The following TSPAN9 variants were observed in gnomAD, a reference collection of about 807,000 sequenced individuals.
TSPAN9 encodes tetraspanin-9.
TSPAN9 carries 16 observed loss-of-function variants against 31.0 expected under a neutral mutation model. The observed-to-expected ratio is 0.52, with a 90% CI of 0.35 to 0.78. TSPAN9 has a LOEUF of 0.78. Ranked by LOEUF, TSPAN9 falls within the 30% of genes least tolerant of loss-of-function variation. The pLI is 0.01. For missense variants in TSPAN9, 272 were observed against 312.5 expected (o/e 0.87, Z 0.98); for synonymous variants, 145 against 121.6 (o/e 1.19, Z -1.27).
rs192632885 is a variant in TSPAN9, at chr12:3,205,371, G to A, written c.63+4115G>A. Among the ~76,000 whole-genome samples the A allele has an allele frequency of 3.9e-3, 601 of 152,310 alleles. 4 individuals are homozygous for A. Among genetic ancestry groups the A allele is most frequent in the South Asian group, 0.011 (51 of 4,826 alleles). The stretch of plus-strand genomic sequence containing the variant: ...GGGTGGCCCCGGGCAGAGTGCTGAT[G>A]GGGCCCTGATTAAACTCCCTTAAGT... On this transcript the variant is annotated intron_variant, in intron 3 of 8. Transcript: ENST00000011898.
chr12:3,201,636 G>A (rs896345091), intron 3 of TSPAN9, among the ~76,000 whole-genome samples: 1 of 152,242 alleles, frequency 6.6e-6, no homozygotes, highest in East Asian at 1.9e-4. Flanking sequence ...GTTGGAGATA[G>A]GCACAAGTGA....
intron 2 of TSPAN9, chr12:3,200,919 G>A (rs2098371189): frequency 5.0e-6 from 2 of 398,252 alleles, no homozygotes; most frequent in Non-Finnish European, 8.9e-6. Flanking sequence ...AACGCCGCGA[G>A]CATGGAGAAG....
chr12:3,164,944 C>T (rs959890371), intron 2 of TSPAN9, among the ~76,000 whole-genome samples: 2 of 152,286 alleles, frequency 1.3e-5, no homozygotes, highest in African/African-American at 2.4e-5. Context: ...GAGCCTTGAA[C>T]GTGCGGGCTT....
intron 2 of TSPAN9, among the ~76,000 whole-genome samples, chr12:3,140,752 A>G (rs867361735): frequency 5.9e-5 from 9 of 152,174 alleles, no homozygotes; most frequent in Middle Eastern, 6.8e-3. Flanking sequence ...GTGGGGGCCC[A>G]CAGGGAAGGC....
chr12:3,212,691 A>G (rs1441819487), intron 3 of TSPAN9, among the ~76,000 whole-genome samples: 2 of 152,148 alleles, frequency 1.3e-5, no homozygotes, highest in South Asian at 4.2e-4. Flanking sequence ...AGGATGGAGG[A>G]GCCCGCTAGC....
At chr12:3,082,508 A>T (rs908707638) in intron 1 of TSPAN9, among the ~76,000 whole-genome samples, 5 of 152,322 alleles carry the variant, frequency 3.3e-5, no homozygotes, top group Admixed American at 1.3e-4. Context: ...GATAGCCATC[A>T]ACCTTGGGAG....
At chr12:3,079,771 A>AT (rs34675914) in intron 1 of TSPAN9, among the ~76,000 whole-genome samples, 84,714 of 129,680 alleles carry the variant, frequency 0.65, 27,803 homozygotes, top group African/African-American at 0.77. Context: ...CCCTTCTTCT[A>AT]TTTTTTTTTT....
chr12:3,280,029 G>A lies in TSPAN9; in HGVS notation c.331-353G>A, dbSNP rs1324285386. Among the ~76,000 whole-genome samples the A allele has an allele frequency of 6.6e-6, 1 of 151,946 alleles. No individual in the cohort carries two copies. Among genetic ancestry groups the A allele is most frequent in the African/African-American group, 2.4e-5 (1 of 41,356 alleles). On this transcript the variant is annotated intron_variant, in intron 5 of 8. Transcript: ENST00000011898. This position sits in a 1 kb window ranked among gnomAD's most constrained non-coding sequence, Gnocchi z 4.5. ...GGAAGCTGTGTAGTGGGGGGCGGGG[G>A]TGGCAGAGTGGCCTGTGTGTGTGGC...
At chr12:3,198,972 A>G (rs556988108) in intron 2 of TSPAN9, among the ~76,000 whole-genome samples, 2 of 152,324 alleles carry the variant, frequency 1.3e-5, no homozygotes, top group South Asian at 2.1e-4. Context: ...CACCATGGCC[A>G]TGCCTGTTGT....
intron 3 of TSPAN9, among the ~76,000 whole-genome samples, chr12:3,221,126 T>C (rs370305236): frequency 6.7e-6 from 1 of 149,942 alleles, no homozygotes; most frequent in East Asian, 2.0e-4. Flanking sequence ...GCCAAGACTT[T>C]CCAGGCTGTC....
At chr12:3,244,393 T>TCC (rs2098398232) in intron 3 of TSPAN9, among the ~76,000 whole-genome samples, 1 of 152,050 alleles carries the variant, frequency 6.6e-6, no homozygotes, top group Admixed American at 6.5e-5. Flanking sequence ...CCCCACCTAC[T>TCC]CCCGCTCCAC....
intron 3 of TSPAN9, among the ~76,000 whole-genome samples, chr12:3,205,728 C>CT (rs1555151729): frequency 4.6e-5 from 7 of 151,414 alleles, no homozygotes; most frequent in African/African-American, 1.2e-4. Flanking sequence ...GCCCCCCCCC[C>CT]CCAGAGTGCT....
chr12:3,246,192 G>A (rs1396565794), intron 3 of TSPAN9, among the ~76,000 whole-genome samples: 1 of 151,696 alleles, frequency 6.6e-6, no homozygotes, highest in Non-Finnish European at 1.5e-5. Context: ...TGCGGGGCGG[G>A]GGGTGGTGCC....
At chr12:3,199,131 T>C (rs2098369656) in intron 2 of TSPAN9, among the ~76,000 whole-genome samples, 1 of 152,202 alleles carries the variant, frequency 6.6e-6, no homozygotes, top group African/African-American at 2.4e-5. Flanking sequence ...CACACAGTTC[T>C]AGGTGTGACA....
chr12:3,140,475 C>T (rs929335605), intron 2 of TSPAN9, among the ~76,000 whole-genome samples: 3 of 152,124 alleles, frequency 2.0e-5, no homozygotes, highest in African/African-American at 4.8e-5. Context: ...GCACTGGCCA[C>T]GGATCAGCTG....
chr12:3,254,193 AGGGGCCCATGCCTCT>A (rs1206713808), intron 3 of TSPAN9, among the ~76,000 whole-genome samples: 2 of 152,250 alleles, frequency 1.3e-5, no homozygotes, highest in African/African-American at 4.8e-5. Flanking sequence ...CAGGCTGGGC[AGGGGCCCATGCCTCT>A]GTGAGGCCCT....
chr12:3,255,374 T>C (rs1400310474), intron 3 of TSPAN9, among the ~76,000 whole-genome samples: 1 of 152,224 alleles, frequency 6.6e-6, no homozygotes, highest in Admixed American at 6.5e-5. Context: ...TGACTGGCTC[T>C]GCCCACGGCC....
intron 3 of TSPAN9, among the ~76,000 whole-genome samples, chr12:3,271,039 A>G (rs906084494): frequency 2.0e-5 from 3 of 152,230 alleles, no homozygotes; most frequent in Non-Finnish European, 4.4e-5. Flanking sequence ...GAATAACCCC[A>G]TTCTGGTATA....
At chr12:3,254,547 CT>C (rs1381143750) in intron 3 of TSPAN9, among the ~76,000 whole-genome samples, 1 of 152,236 alleles carries the variant, frequency 6.6e-6, no homozygotes, top group African/African-American at 2.4e-5. Context: ...TGGATGACTC[CT>C]GGGTTCTGTC....
Sources: gnomAD v4.1 joint callset for allele counts (sites outside exome capture counted in the v4.1 genomes callset) on GRCh38, gnomAD v4.1.1 for gene constraint, Gnocchi (gnomAD v3.1) non-coding constraint, MANE v1.5 for transcripts, NCBI Gene and HGNC (gene_info 2026-07-23, HGNC 2026-07-21) for gene names.